The following INSR variants were observed in gnomAD, a reference collection of about 807,000 sequenced individuals.
The protein encoded by INSR is IR.
Under a neutral mutation model 142.6 loss-of-function variants are expected in INSR, and 67 were observed. The observed-to-expected ratio is 0.47, with a 90% CI of 0.39 to 0.58. INSR has a LOEUF of 0.58. Ranked by LOEUF, INSR falls within the 20% of genes least tolerant of loss-of-function variation. The probability of loss-of-function intolerance (pLI) is 0.00; values close to 1 mark genes in which losing one functional copy is unlikely to be tolerated. For synonymous variants in INSR, 756 were observed against 743.1 expected, an observed-to-expected ratio of 1.02 and a Z score of -0.28; for missense variants, 1,248 against 1,833.2, an observed-to-expected ratio of 0.68 and a Z score of 5.83.
intron 1 of INSR, among the ~76,000 whole-genome samples, chr19:7,293,502 C>A (rs1339570161): frequency 1.3e-5 from 2 of 152,184 alleles, no homozygotes; most frequent in Non-Finnish European, 2.9e-5. Flanking sequence ...GGCCGGGGCA[C>A]GGGTCGGAGG....
At chr19:7,186,338 A>G (rs568644206) in intron 2 of INSR, among the ~76,000 whole-genome samples, 17 of 152,302 alleles carry the variant, frequency 1.1e-4, no homozygotes, top group Non-Finnish European at 1.8e-4. Flanking sequence ...AGCTACATCC[A>G]TATATGAACA....
chr19:7,250,670 G>T (rs1233445302), intron 2 of INSR, among the ~76,000 whole-genome samples: 5 of 151,486 alleles, frequency 3.3e-5, no homozygotes, highest in African/African-American at 4.9e-5. Flanking sequence ...AAAACGGTGT[G>T]TTTTTCTTTA....
chr19:7,158,951 G>A (rs1973681723), intron 9 of INSR, among the ~76,000 whole-genome samples: 1 of 151,544 alleles, frequency 6.6e-6, no homozygotes, highest in Non-Finnish European at 1.5e-5. Flanking sequence ...TTGCCAGGCT[G>A]GAGTGCAATG....
rs776178021 is a variant in INSR, at chr19:7,293,906, G to A, written c.-15C>T. 1 of 1,210,054 alleles carries A rather than the reference G, an allele frequency of 8.3e-7. No individual in the cohort carries two copies. Among genetic ancestry groups the A allele is most frequent in the Non-Finnish European group, 1.0e-6 (1 of 978,984 alleles). The allele number at this position is 1,210,054 out of a possible 1,614,324, so 75.0% of individuals were successfully genotyped here. A position where few individuals can be genotyped will look rare whatever the true frequency, so the allele number is the denominator to read the frequency against. ...CCGGTGGCCATGGCTGCGGGAGCGC[G>A]GGGTCTCCTCGGATCAGAGCGCGCG... On this transcript the variant is annotated 5_prime_UTR_variant, in exon 1 of 22. Coordinates refer to ENST00000302850, the MANE Select transcript of INSR (RefSeq NM_000208.4).
rs1190368555 is a variant in INSR, at chr19:7,168,236, G to A, written c.1484-142C>T. ...TCCCTTAAGGGTCTCCTCCCCATGT[G>A]CCTGGCTGAGTATGAATGGGGGAAG... On this transcript the variant is annotated intron_variant, in intron 6 of 21. Transcript: ENST00000302850. This position sits in a 1 kb window ranked among gnomAD's most constrained non-coding sequence, Gnocchi z 4.3. 9 of 845,334 alleles carry A rather than the reference G, an allele frequency of 1.1e-5. No individual in the cohort carries two copies. Among genetic ancestry groups the A allele is most frequent in the Admixed American group, 2.2e-5 (1 of 44,570 alleles). 52.4% of individuals were successfully genotyped at this position (845,334 alleles called of 1,614,324 possible). A position where few individuals can be genotyped will look rare whatever the true frequency, so the allele number is the denominator to read the frequency against.
chr19:7,235,744 G>A (rs1474308206), intron 2 of INSR, among the ~76,000 whole-genome samples: 1 of 152,036 alleles, frequency 6.6e-6, no homozygotes, highest in Non-Finnish European at 1.5e-5. Context: ...TACTCAGGAG[G>A]CCGAGGTGGG....
In INSR at chr19:7,168,610, C is replaced by A. The variant is rs1973941211; in HGVS notation, c.1484-516G>T. Among the ~76,000 whole-genome samples the A allele has an allele frequency of 6.6e-6, 1 of 152,134 alleles. No homozygotes were observed. The highest frequency in any genetic ancestry group is 2.1e-4 in the South Asian group (1 of 4,822). On this transcript the variant is annotated intron_variant, in intron 6 of 21. Coordinates refer to ENST00000302850, the MANE Select transcript of INSR (RefSeq NM_000208.4). The surrounding 1 kb of genome is among the most constrained non-coding windows in gnomAD (Gnocchi z 4.3). ...AACCCTCTCCTAAACCTCACCCCAACCTCGCTCTCTCTCCTTGCACTACAT... is the reference window on the plus strand; with the variant it reads ...AACCCTCTCCTAAACCTCACCCCAAACTCGCTCTCTCTCCTTGCACTACAT...
At chr19:7,222,811 A>G (rs748291775) in intron 2 of INSR, among the ~76,000 whole-genome samples, 5 of 152,148 alleles carry the variant, frequency 3.3e-5, no homozygotes, top group Non-Finnish European at 7.4e-5. Flanking sequence ...AGCTATAGGT[A>G]TAAGGAAGTT....
chr19:7,174,809 A>G, intron 3 of INSR, 78 bp from the exon 4 acceptor site: 1 of 1,412,548 alleles, frequency 7.1e-7, no homozygotes. Context: ...CAGACATCTC[A>G]GGCATCTTTC....
At chr19:7,286,698 T>C (rs902847882) in intron 1 of INSR, among the ~76,000 whole-genome samples, 6 of 151,840 alleles carry the variant, frequency 4.0e-5, no homozygotes, top group African/African-American at 1.5e-4. Flanking sequence ...CCACAAGATT[T>C]TGCAGAAGGA....
chr19:7,120,883 G>A (rs1972475174), intron 19 of INSR, 134 bp from the exon 20 acceptor site: 5 of 1,032,814 alleles, frequency 4.8e-6, no homozygotes, highest in African/African-American at 4.7e-5. Flanking sequence ...CTGGGTGGTG[G>A]CCAAATCCAG....
At chr19:7,133,582 CA>C (rs1972836887) in intron 13 of INSR, among the ~76,000 whole-genome samples, 2 of 152,242 alleles carry the variant, frequency 1.3e-5, no homozygotes, top group South Asian at 4.1e-4. Context: ...CAAAAGTGGG[CA>C]GGGCGTGGTG....
intron 2 of INSR, among the ~76,000 whole-genome samples, chr19:7,226,249 T>C (rs529511744): frequency 6.7e-6 from 1 of 148,184 alleles, no homozygotes; most frequent in African/African-American, 2.5e-5. Flanking sequence ...CTACTAAAAA[T>C]ACAAAAAAAA....
chr19:7,294,313 G>A lies in INSR; in HGVS notation c.-422C>T, dbSNP rs1347287532. On this transcript the variant is annotated 5_prime_UTR_variant, in exon 1 of 22. Transcript: ENST00000302850. ...TGGCGGGCGGGCACCTGGGCTGGCG[G>A]GTGGCGGGCGGGCGGCGGGAGAGAG... Among the ~76,000 whole-genome samples, 1 of 151,174 alleles carries A rather than the reference G, an allele frequency of 6.6e-6. No individual in the cohort carries two copies. The highest frequency in any genetic ancestry group is 6.6e-5 in the Admixed American group (1 of 15,190).
chr19:7,188,636 C>G (rs1974495700), intron 2 of INSR, among the ~76,000 whole-genome samples: 1 of 151,506 alleles, frequency 6.6e-6, no homozygotes, highest in African/African-American at 2.4e-5. Context: ...CTTTGAGAGG[C>G]TGAGGTGGGT....
At chr19:7,180,427 G>A (rs1022572643) in intron 3 of INSR, among the ~76,000 whole-genome samples, 6 of 151,490 alleles carry the variant, frequency 4.0e-5, no homozygotes, top group Admixed American at 3.3e-4. Flanking sequence ...CTACTCAGGA[G>A]GCTGTGGCAG....
intron 9 of INSR, among the ~76,000 whole-genome samples, chr19:7,160,072 G>T (rs1973708217): frequency 6.6e-6 from 1 of 152,132 alleles, no homozygotes; most frequent in Non-Finnish European, 1.5e-5. Context: ...GCTGAGGCAG[G>T]AGGATCGCTT....
In INSR at chr19:7,185,404, T is replaced by C. The variant is rs368637256; in HGVS notation, c.653-767A>G. ...GAAACTGAGGTACAGGGAGGTTAAG[T>C]AACTTGCCCCCAAACCACTGATTGC... On this transcript the variant is annotated intron_variant, in intron 2 of 21. Coordinates refer to ENST00000302850, the MANE Select transcript of INSR (RefSeq NM_000208.4). Among the ~76,000 whole-genome samples the C allele has an allele frequency of 2.0e-5, 3 of 152,146 alleles. No individual in the cohort carries two copies. The South Asian group carries it at 6.2e-4, about 31-fold the overall frequency.
At chr19:7,219,710 C>G (rs1975554418) in intron 2 of INSR, among the ~76,000 whole-genome samples, 1 of 152,138 alleles carries the variant, frequency 6.6e-6, no homozygotes, top group African/African-American at 2.4e-5. Context: ...AGAACGATTG[C>G]TGGCTCATTT....
Sources: gnomAD v4.1 joint callset for allele counts (sites outside exome capture counted in the v4.1 genomes callset) on GRCh38, gnomAD v4.1.1 for gene constraint, Gnocchi (gnomAD v3.1) non-coding constraint, MANE v1.5 for transcripts, NCBI Gene and HGNC (gene_info 2026-07-23, HGNC 2026-07-21) for gene names.